Variants in GEMIN5 observed in about 807,000 individuals in gnomAD.
GEMIN5 encodes the protein gem nuclear organelle associated protein 5, also known as gem-associated protein 5.
In GEMIN5, 124 loss-of-function variants were observed where a neutral mutation model predicts 176.9. The ratio of observed to expected loss-of-function variants is 0.70; its 90% CI spans 0.61 to 0.81. The LOEUF is 0.81. Ranked by LOEUF, GEMIN5 falls within the 40% of genes least tolerant of loss-of-function variation. The pLI is 0.00. For synonymous variants in GEMIN5, 673 were observed against 665.2 expected, an observed-to-expected ratio of 1.01 and a Z score of -0.18; for missense variants, 1,843 against 1,814.6, an observed-to-expected ratio of 1.02 and a Z score of -0.28.
chr5:154,914,014 AATAC>A (rs148247015), intron 13 of GEMIN5, among the ~76,000 whole-genome samples: 2,451 of 152,082 alleles, frequency 0.016, 75 homozygotes, highest in African/African-American at 0.055. Flanking sequence ...AAAATAAATA[AATAC>A]ACACATAATT....
At chr5:154,915,083 C>A (rs1046348356) in intron 13 of GEMIN5, among the ~76,000 whole-genome samples, 1 of 152,118 alleles carries the variant, frequency 6.6e-6, no homozygotes, top group African/African-American at 2.4e-5. Flanking sequence ...AATTTAGAAT[C>A]CCAATAATAA....
chr5:154,909,591 TCCACCAAG>T (rs1195678001), intron 15 of GEMIN5, among the ~76,000 whole-genome samples: 1 of 152,104 alleles, frequency 6.6e-6, no homozygotes, highest in East Asian at 1.9e-4. Flanking sequence ...ATCTAATATT[TCCACCAAG>T]CCTCTTTGTA....
At position 154,925,127 on chromosome 5, in the gene GEMIN5, AC is replaced by A. The variant is rs552633456; in HGVS notation, c.1294-574del. Among the ~76,000 whole-genome samples, 284 of 152,062 alleles carry A rather than the reference AC, an allele frequency of 1.9e-3. 2 individuals are homozygous for A. The highest frequency in any genetic ancestry group is 3.1e-3 in the Non-Finnish European group (208 of 67,844). On this transcript the variant is annotated intron_variant, in intron 8 of 27. Coordinates refer to ENST00000285873, the MANE Select transcript of GEMIN5 (RefSeq NM_015465.5). The stretch of plus-strand genomic sequence containing the variant: ...ATAAACTTATACACAATTGAAAAAA[AC>A]AAATGAGTTCAAATACGTAAATGAT...
intron 10 of GEMIN5, 85 bp from the exon 11 acceptor site, chr5:154,920,188 A>G (rs1423482734): frequency 2.0e-6 from 2 of 998,838 alleles, no homozygotes; most frequent in Admixed American, 2.8e-5. Context: ...ATACCATACT[A>G]CATAGTTGTT....
chr5:154,934,817 G>A (rs1046465711), intron 3 of GEMIN5, among the ~76,000 whole-genome samples: 5 of 152,118 alleles, frequency 3.3e-5, no homozygotes, highest in African/African-American at 1.2e-4. Context: ...TAGTACATTC[G>A]TTTTCCTATT....
intron 21 of GEMIN5, among the ~76,000 whole-genome samples, chr5:154,899,921 T>C (rs1763430794): frequency 6.6e-6 from 1 of 151,522 alleles, no homozygotes. Flanking sequence ...TCATAGAACC[T>C]TCTTTCTTCT....
intron 7 of GEMIN5, among the ~76,000 whole-genome samples, chr5:154,926,329 G>A (rs760196956): frequency 2.6e-5 from 4 of 152,102 alleles, no homozygotes; most frequent in African/African-American, 4.8e-5. Context: ...CAGAACCCAC[G>A]CCTCCTGTCT....
chr5:154,938,006 G>A lies in GEMIN5; in HGVS notation c.128C>T (p.Pro43Leu), dbSNP rs1278386353. 13 of 1,569,462 alleles carry A rather than the reference G, an allele frequency of 8.3e-6. No homozygotes were observed. Among genetic ancestry groups the A allele is most frequent in the East Asian group, 2.5e-5 (1 of 39,322 alleles). ...RTSVFLVRVGPGAGESPGTPP... is the reference protein window; with the variant it reads ...RTSVFLVRVGLGAGESPGTPP... ...TGTCCCTGGACTCTCGCCTGCGCCC[G>A]GGCCCACGCGGACAAGGAAGACGGA... Residue 43 changes from proline to leucine, a missense_variant, in exon 1 of 28, where the codon CCG becomes CTG. Transcript: ENST00000285873.
chr5:154,910,699 T>C (rs1171555462), intron 15 of GEMIN5, among the ~76,000 whole-genome samples: 1 of 152,186 alleles, frequency 6.6e-6, no homozygotes, highest in Non-Finnish European at 1.5e-5. Flanking sequence ...TCCTCTTACT[T>C]TCTCTTTTTT....
chr5:154,907,025 T>A (rs2113475040), intron 16 of GEMIN5, among the ~76,000 whole-genome samples: 1 of 152,338 alleles, frequency 6.6e-6, no homozygotes, highest in African/African-American at 2.4e-5. Context: ...ACCTAACAGT[T>A]TTTTTGTTAG....
intron 13 of GEMIN5, among the ~76,000 whole-genome samples, chr5:154,914,433 A>T (rs1763772347): frequency 6.6e-6 from 1 of 152,232 alleles, no homozygotes; most frequent in African/African-American, 2.4e-5. Context: ...CACTGGAGAA[A>T]AAAAAAATCA....
At chr5:154,895,697 T>A (rs558832265) in intron 24 of GEMIN5, among the ~76,000 whole-genome samples, 4 of 152,342 alleles carry the variant, frequency 2.6e-5, no homozygotes, top group African/African-American at 9.6e-5. Context: ...TGCTTTTCTA[T>A]ATTTTCTAGA....
At chr5:154,916,599 C>CA (rs1406410102) in intron 13 of GEMIN5, among the ~76,000 whole-genome samples, 2 of 152,204 alleles carry the variant, frequency 1.3e-5, no homozygotes, top group African/African-American at 4.8e-5. Flanking sequence ...ATGATCCTCT[C>CA]AGCTCAGCCT....
At chr5:154,917,357 A>G (rs1432346611) in intron 12 of GEMIN5, among the ~76,000 whole-genome samples, 178 bp from the exon 13 acceptor site, 2 of 152,248 alleles carry the variant, frequency 1.3e-5, no homozygotes, top group African/African-American at 4.8e-5. Context: ...GTTATTCTCC[A>G]AAAAGTATAT....
chr5:154,901,487 C>CTGAAAAAATAAAAGATGGTGG lies in GEMIN5; in HGVS notation c.2867-22_2867-2dup. On this transcript the variant is annotated splice_acceptor_variant, in intron 20 of 27. Transcript: ENST00000285873. LOFTEE classifies it high-confidence loss of function. The stretch of plus-strand genomic sequence containing the variant: ...GCCCATAGCCACACATGGTAGCCAG[C>CTGAAAAAATAAAAGATGGTGG]TGAAAAAATAAAAGATGGTGGTTAA... 1.9e-6 allele frequency: 3 copies of CTGAAAAAATAAAAGATGGTGG among 1,612,038 alleles called. No individual in the cohort carries two copies. The highest frequency in any genetic ancestry group is 2.5e-6 in the Non-Finnish European group (3 of 1,179,322).
At chr5:154,909,653 G>T (rs1390770878) in intron 15 of GEMIN5, among the ~76,000 whole-genome samples, 1 of 152,044 alleles carries the variant, frequency 6.6e-6, no homozygotes, top group African/African-American at 2.4e-5. Context: ...TCACTAATTT[G>T]CTCTCACTGT....
chr5:154,905,700 G>T lies in GEMIN5; in HGVS notation c.2396-224C>A, dbSNP rs75084477. On this transcript the variant is annotated intron_variant, in intron 16 of 27. Transcript: ENST00000285873. ...AGGAATCTGTAAGTCTATTACTTTGGTTTTTTTTTTTTTTTTGAGACGAAG... is the reference window on the plus strand; with the variant it reads ...AGGAATCTGTAAGTCTATTACTTTGTTTTTTTTTTTTTTTTTGAGACGAAG... Among the ~76,000 whole-genome samples, 1,055 of 139,056 alleles carry T rather than the reference G, an allele frequency of 7.6e-3. 41 individuals carry two copies. The South Asian group carries it at 0.1, about 14-fold the overall frequency. 91.2% of individuals were successfully genotyped at this position (139,056 alleles called of 152,430 possible).
chr5:154,929,236 G>T (rs542791204), intron 5 of GEMIN5, among the ~76,000 whole-genome samples: 2 of 152,246 alleles, frequency 1.3e-5, no homozygotes, highest in African/African-American at 4.8e-5. Flanking sequence ...AAGAAAAAGA[G>T]TATTTTTTCG....
intron 8 of GEMIN5, among the ~76,000 whole-genome samples, chr5:154,925,645 T>C (rs1305245409): frequency 6.6e-6 from 1 of 152,134 alleles, no homozygotes; most frequent in African/African-American, 2.4e-5. Context: ...TTCTTACTAT[T>C]AGAAAAAATG....
Sources: gnomAD v4.1 joint callset for allele counts (sites outside exome capture counted in the v4.1 genomes callset) on GRCh38, gnomAD v4.1.1 for gene constraint, MANE v1.5 for transcripts, NCBI Gene and HGNC (gene_info 2026-07-23, HGNC 2026-07-21) for gene names.